The following ZNF606 variants were observed in gnomAD, a reference collection of about 807,000 sequenced individuals.
ZNF606 encodes the protein zinc finger protein 606.
ZNF606 carries 37 observed loss-of-function variants against 74.9 expected under a neutral mutation model. The ratio of observed to expected loss-of-function variants is 0.49; its 90% CI spans 0.38 to 0.65. The LOEUF (loss-of-function observed/expected upper bound fraction) is 0.65. Ranked by LOEUF, ZNF606 falls within the 30% of genes least tolerant of loss-of-function variation. ZNF606 has a pLI of 0.00. For synonymous variants in ZNF606, 328 were observed against 312.4 expected (o/e 1.05, Z -0.53); for missense variants, 852 against 952.9 (o/e 0.89, Z 1.39).
rs772845267 is a variant in ZNF606 at position 57,980,274 on chromosome 19, C to T, written c.406G>A (p.Val136Met). 1.5e-5 allele frequency: 24 copies of T among 1,602,412 alleles called. No individual in the cohort carries two copies. The East Asian group carries it at 4.7e-4, about 31-fold the overall frequency. ...ACPQRTCPEW[V>M]RNLESKALIP... ...AATGCTTTGCTTTCAAGATTTCTCA[C>T]CCATTCTGAAACAGACAGAAAAAAA... The change falls in exon 7 of 7, where the codon GTG (valine) becomes ATG (methionine). Residue 136 changes from valine (V) to methionine (M), a missense_variant. Coordinates refer to ENST00000551380, the MANE Select transcript of ZNF606 (RefSeq NM_001348022.3).
chr19:58,002,301 A>G (rs1452023267), intron 1 of ZNF606, 95 bp downstream of exon 1: 1 of 456,742 alleles, frequency 2.2e-6, no homozygotes, highest in Non-Finnish European at 4.4e-6. Flanking sequence ...TGGCCTCAGA[A>G]GCATCCTTAT....
At chr19:57,994,162 G>C (rs1359803481) in intron 4 of ZNF606, among the ~76,000 whole-genome samples, 1 of 152,164 alleles carries the variant, frequency 6.6e-6, no homozygotes, top group Non-Finnish European at 1.5e-5. Context: ...TGAGAGAATA[G>C]GAAAGCCTTC....
intron 4 of ZNF606, among the ~76,000 whole-genome samples, chr19:57,991,043 G>A (rs1008801327): frequency 2.0e-5 from 3 of 151,784 alleles, no homozygotes; most frequent in East Asian, 1.9e-4. Flanking sequence ...CTGCACCCTC[G>A]TCCCACTGCT....
At chr19:57,997,704 G>A (rs962788349) in intron 4 of ZNF606, 4 of 152,212 alleles carry the variant, frequency 2.6e-5, no homozygotes, top group Non-Finnish European at 5.9e-5. Flanking sequence ...GTGTAGCATG[G>A]TGGTTAACAG....
chr19:57,981,347 T>G (rs1009692963), intron 6 of ZNF606, among the ~76,000 whole-genome samples: 1 of 152,134 alleles, frequency 6.6e-6, no homozygotes, highest in Non-Finnish European at 1.5e-5. Flanking sequence ...ATCCTGAGTA[T>G]AATGACTTTT....
At chr19:58,003,271 C>T (rs1309547408), upstream of ZNF606, 4 of 456,646 alleles carry the variant, frequency 8.8e-6, no homozygotes, top group African/African-American at 2.0e-5. Context: ...AACGTCAGGG[C>T]TCGTTCCCAA....
Position 57,978,652 on chromosome 19 carries a change from A to T in ZNF606, c.2028T>A (p.Gly676=). Residue 676 remains glycine, a synonymous_variant, in exon 7 of 7, where the codon GGT becomes GGA. Transcript: ENST00000551380. The surrounding 1 kb of genome is among the most constrained non-coding windows in gnomAD (Gnocchi z 4.4). ...ACTGATTACATTTATAGGGTTTCTC[A>T]CCAGTGTGAATTCTCCGATGAGCAA... The part of the protein sequence containing the change: ...HLVAHRRIHT[G]EKPYKCNQCE... 6.2e-7 allele frequency: 1 copy of T among 1,613,980 alleles called. No homozygotes were observed. The highest frequency in any genetic ancestry group is 8.5e-7 in the Non-Finnish European group (1 of 1,180,014).
At chr19:57,990,051 C>CAAAAAAA (rs1159494660) in intron 4 of ZNF606, among the ~76,000 whole-genome samples, 576 of 13,846 alleles carry the variant, frequency 0.042, 104 homozygotes, top group Non-Finnish European at 0.05. Flanking sequence ...GACTCCATCT[C>CAAAAAAA]AAAAAAAAAA....
Position 57,978,974 on chromosome 19 carries a change from T to G in ZNF606, c.1706A>C (p.Lys569Thr), listed in dbSNP as rs2073033723. 1 of 1,614,012 alleles carries G rather than the reference T, an allele frequency of 6.2e-7. No homozygotes were observed. The highest frequency in any genetic ancestry group is 8.5e-7 in the Non-Finnish European group (1 of 1,180,026). Residue 569 changes from lysine (K) to threonine (T), a missense_variant, in exon 7 of 7, where the codon AAA (lysine) becomes ACA (threonine). Coordinates refer to ENST00000551380, the MANE Select transcript of ZNF606 (RefSeq NM_001348022.3). This position sits in a 1 kb window ranked among gnomAD's most constrained non-coding sequence, Gnocchi z 4.4. ...ERTHSGAKPY[K>T]CTECGKSFSW... ...GAAGGATTTTCCACATTCAGTACAT[T>G]TATATGGTTTTGCTCCAGAATGAGT...
At chr19:57,998,548 G>C (rs1321771822) in intron 4 of ZNF606, 1 of 152,142 alleles carries the variant, frequency 6.6e-6, no homozygotes, top group Non-Finnish European at 1.5e-5. Context: ...CTAGTGGTTG[G>C]GAGGGAGTAG....
rs1465439494 is a variant in ZNF606 at position 57,977,138 on chromosome 19, A to T, written c.*1163T>A. 2 of 151,868 alleles carry T rather than the reference A, an allele frequency of 1.3e-5. No individual in the cohort carries two copies. The highest frequency in any genetic ancestry group is 2.9e-5 in the Non-Finnish European group (2 of 68,040). 9.4% of individuals were successfully genotyped at this position (151,868 alleles called of 1,614,324 possible). A position where few individuals can be genotyped will look rare whatever the true frequency, so the allele number is the denominator to read the frequency against. ...CTCTGCTATAGAAACACTGAAGAAAATGGGAAAAAAAATCACTGGAGAGGC... is the reference window on the plus strand; with the variant it reads ...CTCTGCTATAGAAACACTGAAGAAATTGGGAAAAAAAATCACTGGAGAGGC... On this transcript the variant is annotated 3_prime_UTR_variant, in exon 7 of 7. Transcript: ENST00000551380.
chr19:57,988,081 G>A (rs2073192014), intron 6 of ZNF606, 126 bp downstream of exon 6: 1 of 688,982 alleles, frequency 1.5e-6, no homozygotes, highest in Non-Finnish European at 2.3e-6. Flanking sequence ...AGCAGCAAGA[G>A]AAGAAAGCTC....
Position 57,978,137 on chromosome 19 carries a change from A to T in ZNF606, c.*164T>A. 1.6e-6 allele frequency: 1 copy of T among 636,496 alleles called. No homozygotes were observed. The allele number at this position is 636,496 out of a possible 1,614,324, so 39.4% of individuals were successfully genotyped here. A position where few individuals can be genotyped will look rare whatever the true frequency, so the allele number is the denominator to read the frequency against. On this transcript the variant is annotated 3_prime_UTR_variant, in exon 7 of 7. Coordinates refer to ENST00000551380, the MANE Select transcript of ZNF606 (RefSeq NM_001348022.3). The surrounding 1 kb of genome is among the most constrained non-coding windows in gnomAD (Gnocchi z 4.4). ...AAATAACTGCTGAAAGCTTTTCCCT[A>T]TTCTTTTCCTTCATGGGGTTTCTTC... is the stretch of plus-strand genomic sequence containing the variant.
chr19:57,978,672 G>A lies in ZNF606; in HGVS notation c.2008C>T (p.His670Tyr). Residue 670 changes from histidine to tyrosine, a missense_variant, in exon 7 of 7, where the codon CAT becomes TAT. By Grantham distance (83) the His-to-Tyr change is moderately conservative. Coordinates refer to ENST00000551380, the MANE Select transcript of ZNF606 (RefSeq NM_001348022.3). This position sits in a 1 kb window ranked among gnomAD's most constrained non-coding sequence, Gnocchi z 4.4. ...SFSQSCHLVA[H>Y]RRIHTGEKPY... ...TTCTCACCAGTGTGAATTCTCCGATGAGCAACAAGGTGACAGCTCTGACTG... is the reference window on the plus strand; with the variant it reads ...TTCTCACCAGTGTGAATTCTCCGATAAGCAACAAGGTGACAGCTCTGACTG... The A allele has an allele frequency of 1.9e-6, 3 of 1,614,084 alleles. No individual in the cohort carries two copies. The highest frequency in any genetic ancestry group is 2.5e-6 in the Non-Finnish European group (3 of 1,180,030).
chr19:57,979,857 G>T lies in ZNF606; in HGVS notation c.823C>A (p.Gln275Lys). The change falls in exon 7 of 7, where the codon CAA (glutamine) becomes AAA (lysine). Residue 275 changes from glutamine (Q) to lysine (K), a missense_variant. Gln to Lys is a moderately conservative substitution (Grantham distance 53, BLOSUM62 1). This residue lies in a region of ZNF606 where 545 missense variants were observed against 542.5 expected (regional missense o/e 1.00). Transcript: ENST00000551380. ...TGTATTCTTGCAGGGTAAATAGGTT[G>T]AATGGACTGATAAACAGTTTTGTCA... ...DYDKTVYQSI[Q>K]PIYPARIQTG... The T allele has an allele frequency of 6.2e-7, 1 of 1,613,636 alleles. No homozygotes were observed. The highest frequency in any genetic ancestry group is 1.1e-5 in the South Asian group (1 of 91,074).
At position 57,979,429 on chromosome 19, in the gene ZNF606, T is replaced by C. The variant is rs905017526; in HGVS notation, c.1251A>G (p.Gln417=). The change falls in exon 7 of 7, where the codon CAA becomes CAG. Residue 417 remains glutamine (Q), a synonymous_variant. Coordinates refer to ENST00000551380, the MANE Select transcript of ZNF606 (RefSeq NM_001348022.3). ...TSFIWSSYLI[Q]HKKTHTGEKP... is the part of the protein sequence containing the mutation. ...TTTCTCCAGTATGAGTTTTCTTATG[T>C]TGAATAAGGTAAGAGCTCCAGATGA... The C allele has an allele frequency of 6.2e-7, 1 of 1,613,958 alleles. No individual in the cohort carries two copies. The highest frequency in any genetic ancestry group is 1.3e-5 in the African/African-American group (1 of 74,916).
intron 6 of ZNF606, among the ~76,000 whole-genome samples, chr19:57,983,691 C>T (rs10518271): frequency 0.45 from 67,806 of 151,896 alleles, 15,420 homozygotes; most frequent in South Asian, 0.6. Context: ...CTGAAGTGAT[C>T]GAGGATGGTT....
intron 1 of ZNF606, 116 bp from the exon 2 acceptor site, chr19:58,001,486 A>G: frequency 4.1e-6 from 3 of 725,930 alleles, no homozygotes; most frequent in Non-Finnish European, 7.0e-6. Flanking sequence ...GAGCATCGTA[A>G]GAAAAGAGAA....
In ZNF606 at chr19:57,979,766, C is replaced by T; in HGVS notation, c.914G>A (p.Gly305Asp). Reference sequence around the variant, plus strand: ...TCCTGTGTGAATTCCTTTATGATCACCAAAATGTATTATATGATTGAAAGA... The same window carrying T: ...TCCTGTGTGAATTCCTTTATGATCATCAAAATGTATTATATGATTGAAAGA... ...VKSFNHIIHF[G>D]DHKGIHTGEK... is the part of the protein sequence containing the mutation. The change falls in exon 7 of 7, where the codon GGT (glycine) becomes GAT (aspartate). Residue 305 changes from glycine to aspartate, a missense_variant. Physicochemically the swap from Gly to Asp is moderately conservative, Grantham distance 94. This residue lies in a region of ZNF606 where 545 missense variants were observed against 542.5 expected (regional missense o/e 1.00). Coordinates refer to ENST00000551380, the MANE Select transcript of ZNF606 (RefSeq NM_001348022.3). 1 of 1,613,344 alleles carries T rather than the reference C, an allele frequency of 6.2e-7. No individual in the cohort carries two copies.
Sources: allele counts gnomAD v4.1 joint callset (sites outside exome capture counted in the v4.1 genomes callset), GRCh38; gene constraint gnomAD v4.1.1; regional missense constraint gnomAD v4.1.1; non-coding constraint Gnocchi (gnomAD v3.1); transcripts MANE v1.5; gene names NCBI Gene and HGNC (gene_info 2026-07-23, HGNC 2026-07-21).